Variants in LSAMP observed in about 807,000 individuals in gnomAD.
The protein encoded by LSAMP is limbic system-associated membrane protein.
Under a neutral mutation model 38.6 loss-of-function variants are expected in LSAMP, and 7 were observed. That is an observed-to-expected ratio of 0.18 (90% CI 0.10 to 0.34). The LOEUF (loss-of-function observed/expected upper bound fraction) is 0.34, where lower values mean the gene tolerates loss of function less well. Ranked by LOEUF, LSAMP falls within the 10% of genes least tolerant of loss-of-function variation. The probability of loss-of-function intolerance (pLI) is 1.00; values close to 1 mark genes in which losing one functional copy is unlikely to be tolerated. For missense variants in LSAMP, 313 were observed against 420.0 expected (o/e 0.75, Z 2.23); for synonymous variants, 154 against 166.8 (o/e 0.92, Z 0.59).
chr3:116,437,675 G>A lies in LSAMP; in HGVS notation c.155+7202C>T, dbSNP rs114851655. Among the ~76,000 whole-genome samples the A allele has an allele frequency of 2.3e-3, 355 of 151,564 alleles. 3 individuals are homozygous for A. The highest frequency in any genetic ancestry group is 8.3e-3 in the African/African-American group (342 of 41,328). ...GGGAGGAGGAAGGGAGAGAAGGGAA[G>A]GGGAGAGGAGAGAAAAGGAGAGGAA... On this transcript the variant is annotated intron_variant, in intron 1 of 6. Coordinates refer to ENST00000490035, the MANE Select transcript of LSAMP (RefSeq NM_002338.5).
At chr3:116,421,727 G>A (rs13316464) in intron 1 of LSAMP, among the ~76,000 whole-genome samples, 37,872 of 151,980 alleles carry the variant, frequency 0.25, 5,157 homozygotes, top group African/African-American at 0.37. Context: ...AAACTATAAT[G>A]AGACATCACT....
intron 1 of LSAMP, among the ~76,000 whole-genome samples, chr3:116,162,797 A>ACT (rs1218735538): frequency 3.2e-4 from 48 of 148,564 alleles, no homozygotes; most frequent in African/African-American, 1.1e-3. Flanking sequence ...ACACACACAC[A>ACT]CTTTGCTTTC....
At chr3:115,924,165 C>A (rs571475629) in intron 3 of LSAMP, among the ~76,000 whole-genome samples, 1 of 152,212 alleles carries the variant, frequency 6.6e-6, no homozygotes, top group South Asian at 2.1e-4. Flanking sequence ...CTAATCTGGA[C>A]TTTTTGACTT....
intron 1 of LSAMP, among the ~76,000 whole-genome samples, chr3:116,384,610 C>A (rs1044020320): frequency 6.6e-6 from 1 of 152,046 alleles, no homozygotes; most frequent in Non-Finnish European, 1.5e-5. Flanking sequence ...GTTAACAAAT[C>A]AGCTGGATTA....
At position 116,071,053 on chromosome 3, in the gene LSAMP, TAATAAATA is replaced by T. The variant is rs369537377; in HGVS notation, c.388+15263_388+15270del. Among the ~76,000 whole-genome samples, 597 of 138,860 alleles carry T rather than the reference TAATAAATA, an allele frequency of 4.3e-3. 4 individuals carry two copies. The highest frequency in any genetic ancestry group is 0.03 in the Middle Eastern group (8 of 266). The allele number at this position is 138,860 out of a possible 152,430, so 91.1% of individuals were successfully genotyped here. A position where few individuals can be genotyped will look rare whatever the true frequency, so the allele number is the denominator to read the frequency against. Reference sequence around the variant, plus strand: ...GAAACTCCATCTCAAAATAAATAAATAATAAATAAATAAATAAATAAATAAATAAATAA... The same window carrying T: ...GAAACTCCATCTCAAAATAAATAAATAATAAATAAATAAATAAATAAATAA... On this transcript the variant is annotated intron_variant, in intron 2 of 6. Transcript: ENST00000490035.
At chr3:116,204,495 G>C (rs887953919) in intron 1 of LSAMP, among the ~76,000 whole-genome samples, 1 of 151,576 alleles carries the variant, frequency 6.6e-6, no homozygotes, top group Non-Finnish European at 1.5e-5. Context: ...GTCCTGAATG[G>C]TATTGCCTAG....
intron 1 of LSAMP, among the ~76,000 whole-genome samples, chr3:116,300,461 C>A (rs1189908851): frequency 6.6e-6 from 1 of 152,160 alleles, no homozygotes; most frequent in East Asian, 1.9e-4. Context: ...TCACTTAAAT[C>A]AGGGGTCCCC....
chr3:116,210,345 A>T (rs2046138889), intron 1 of LSAMP, among the ~76,000 whole-genome samples: 1 of 152,180 alleles, frequency 6.6e-6, no homozygotes, highest in Admixed American at 6.5e-5. Context: ...CCATCTAATC[A>T]ACTGCCAGTG....
At chr3:116,121,015 G>T (rs1389120849) in intron 1 of LSAMP, among the ~76,000 whole-genome samples, 1 of 152,126 alleles carries the variant, frequency 6.6e-6, no homozygotes, top group Non-Finnish European at 1.5e-5. Context: ...AGGAACTCCA[G>T]GTTAAGAACA....
At chr3:116,194,428 T>C (rs1239166952) in intron 1 of LSAMP, among the ~76,000 whole-genome samples, 3 of 152,190 alleles carry the variant, frequency 2.0e-5, no homozygotes, top group Admixed American at 2.0e-4. Context: ...AGAGTCTCGC[T>C]CTGTCGCCCA....
chr3:116,395,611 G>C (rs968752186), intron 1 of LSAMP, among the ~76,000 whole-genome samples: 1 of 152,162 alleles, frequency 6.6e-6, no homozygotes, highest in Non-Finnish European at 1.5e-5. Flanking sequence ...TCCTGTCTTT[G>C]AAGAGGACTG....
chr3:116,028,217 C>T (rs1292004109), intron 2 of LSAMP, among the ~76,000 whole-genome samples: 3 of 152,172 alleles, frequency 2.0e-5, no homozygotes, highest in Non-Finnish European at 4.4e-5. Flanking sequence ...CAATGCAACA[C>T]ATAAATGCCA....
intron 3 of LSAMP, among the ~76,000 whole-genome samples, chr3:116,000,145 T>C (rs1002753801): frequency 6.6e-6 from 1 of 152,166 alleles, no homozygotes; most frequent in African/African-American, 2.4e-5. Flanking sequence ...TTAGGGACTT[T>C]GGGTAAGTCA....
intron 3 of LSAMP, among the ~76,000 whole-genome samples, chr3:115,902,369 A>G (rs1403714552): frequency 1.3e-5 from 2 of 152,112 alleles, no homozygotes; most frequent in African/African-American, 4.8e-5. Flanking sequence ...TAAAAAGGTT[A>G]TGAATCATGC....
chr3:115,914,054 A>G (rs1462812831), intron 3 of LSAMP, among the ~76,000 whole-genome samples: 1 of 152,248 alleles, frequency 6.6e-6, no homozygotes, highest in Non-Finnish European at 1.5e-5. Flanking sequence ...AAGACCAGTA[A>G]GTTTCATAAG....
At chr3:116,169,271 GA>G (rs913243540) in intron 1 of LSAMP, among the ~76,000 whole-genome samples, 1 of 151,876 alleles carries the variant, frequency 6.6e-6, no homozygotes, top group African/African-American at 2.4e-5. Flanking sequence ...CATATGGGGG[GA>G]AAAAAAGCAA....
Position 116,313,790 on chromosome 3 carries a change from C to G in LSAMP, c.155+131087G>C, listed in dbSNP as rs376112986. ...CCAGCATGGTGAAACCCTGTCTGTA[C>G]TAAAAATACAAAAATTAGCCAGGTG... On this transcript the variant is annotated intron_variant, in intron 1 of 6. Coordinates refer to ENST00000490035, the MANE Select transcript of LSAMP (RefSeq NM_002338.5). Among the ~76,000 whole-genome samples, 6 of 152,272 alleles carry G rather than the reference C, an allele frequency of 3.9e-5. No individual in the cohort carries two copies. In the South Asian group the frequency reaches 6.2e-4, roughly 16 times the overall value.
intron 3 of LSAMP, among the ~76,000 whole-genome samples, chr3:115,887,473 C>T (rs760812824): frequency 1.3e-5 from 2 of 151,694 alleles, no homozygotes; most frequent in South Asian, 2.1e-4. Flanking sequence ...AAGTGTCTGC[C>T]GTTTAATAAT....
chr3:116,410,906 C>T (rs1397394321), intron 1 of LSAMP, among the ~76,000 whole-genome samples: 1 of 152,080 alleles, frequency 6.6e-6, no homozygotes, highest in Non-Finnish European at 1.5e-5. Flanking sequence ...GTCAGCCTCT[C>T]CTATAGCAGC....
Sources: gnomAD v4.1 joint callset for allele counts (sites outside exome capture counted in the v4.1 genomes callset) on GRCh38, gnomAD v4.1.1 for gene constraint, MANE v1.5 for transcripts, NCBI Gene and HGNC (gene_info 2026-07-23, HGNC 2026-07-21) for gene names.